Variants in JMJD1C observed in about 807,000 individuals in gnomAD.
JMJD1C encodes the protein jumonji domain-containing protein 1C.
Under a neutral mutation model 245.3 loss-of-function variants are expected in JMJD1C, and 31 were observed. The observed-to-expected ratio is 0.13, with a 90% confidence interval of 0.09 to 0.17. The LOEUF (loss-of-function observed/expected upper bound fraction) is 0.17, where lower values mean the gene tolerates loss of function less well. Among genes scored for constraint, JMJD1C ranks in the 10% least tolerant of loss-of-function variants. The pLI is 1.00. For synonymous variants in JMJD1C, 1,057 were observed against 1,017.4 expected (o/e 1.04, Z -0.74); for missense variants, 2,691 against 3,000.2 (o/e 0.90, Z 2.41).
intron 1 of JMJD1C, among the ~76,000 whole-genome samples, chr10:63,459,601 T>C (rs1014110571): frequency 6.6e-6 from 1 of 152,148 alleles, no homozygotes; most frequent in Non-Finnish European, 1.5e-5. Context: ...CCTGGACACA[T>C]AAAAGCAGAA....
At position 63,185,773 on chromosome 10, in the gene JMJD1C, T is replaced by C. The variant is rs561874207; in HGVS notation, c.6740-120A>G. 5.3e-5 allele frequency: 35 copies of C among 662,528 alleles called. 2 individuals carry two copies. The highest frequency in any genetic ancestry group is 4.7e-4 in the South Asian group (26 of 55,654). 41.0% of individuals were successfully genotyped at this position (662,528 alleles called of 1,614,324 possible). ...TTGTTGCACATTACATGCTTAATGATTGCTTGCTTATTGACTTATTACTTA... is the reference window on the plus strand; with the variant it reads ...TTGTTGCACATTACATGCTTAATGACTGCTTGCTTATTGACTTATTACTTA... On this transcript the variant is annotated intron_variant, in intron 19 of 25. Coordinates refer to ENST00000399262, the MANE Select transcript of JMJD1C (RefSeq NM_032776.3).
At chr10:63,353,512 G>A (rs1030804293) in intron 2 of JMJD1C, among the ~76,000 whole-genome samples, 4 of 151,990 alleles carry the variant, frequency 2.6e-5, no homozygotes, top group Non-Finnish European at 4.4e-5. Flanking sequence ...CAGGTACTTT[G>A]GGAATCTTTT....
chr10:63,380,410 A>G lies in JMJD1C; in HGVS notation c.241T>C (p.Phe81Leu). 6.2e-7 allele frequency: 1 copy of G among 1,614,068 alleles called. No individual in the cohort carries two copies. Among genetic ancestry groups the G allele is most frequent in the South Asian group, 1.1e-5 (1 of 91,080 alleles). ...CAGATTAAGTGGTATTCCACCAAGAAAGTTGAAAAATCTTCATAAACTTTA... is the reference window on the plus strand; with the variant it reads ...CAGATTAAGTGGTATTCCACCAAGAGAGTTGAAAAATCTTCATAAACTTTA... ...WVKVYEDFST[F>L]LVEYHLIWAK... is the part of the protein sequence containing the mutation. Residue 81 changes from phenylalanine (F) to leucine (L), a missense_variant, in exon 2 of 26, where the codon TTC becomes CTC. Coordinates refer to ENST00000399262, the MANE Select transcript of JMJD1C (RefSeq NM_032776.3).
At chr10:63,504,089 T>C (rs190977469) in intron 1 of JMJD1C, among the ~76,000 whole-genome samples, 56 of 152,358 alleles carry the variant, frequency 3.7e-4, no homozygotes, top group South Asian at 2.3e-3. Context: ...TAAAATGTTA[T>C]GGGTGCCCTA....
chr10:63,451,865 G>A (rs1952091820), intron 1 of JMJD1C, among the ~76,000 whole-genome samples: 1 of 152,184 alleles, frequency 6.6e-6, no homozygotes, highest in Non-Finnish European at 1.5e-5. Context: ...AATAAATGGA[G>A]CTGAGAAAAT....
At chr10:63,436,732 T>A (rs1381534690) in intron 1 of JMJD1C, among the ~76,000 whole-genome samples, 1 of 152,136 alleles carries the variant, frequency 6.6e-6, no homozygotes, top group Non-Finnish European at 1.5e-5. Flanking sequence ...AACCACTGAC[T>A]TACCATGGCA....
rs751873785 is a variant in JMJD1C, at chr10:63,399,840, T to A, written c.169-19358A>T. On this transcript the variant is annotated intron_variant, in intron 1 of 25. Transcript: ENST00000399262. ...AAATATTGACATACTTGATTCAAAG[T>A]CACATCTAGAAAACAAGGTATATTC... Among the ~76,000 whole-genome samples, 5 of 152,070 alleles carry A rather than the reference T, an allele frequency of 3.3e-5. No homozygotes were observed. In the East Asian group the frequency reaches 9.7e-4, roughly 29 times the overall value.
At chr10:63,221,720 CT>C (rs1344769819) in intron 3 of JMJD1C, among the ~76,000 whole-genome samples, 2 of 152,116 alleles carry the variant, frequency 1.3e-5, no homozygotes, top group Admixed American at 6.6e-5. Flanking sequence ...ACATAGGAAA[CT>C]TTTTGTTTTT....
intron 2 of JMJD1C, among the ~76,000 whole-genome samples, chr10:63,285,203 G>C (rs1857850956): frequency 1.3e-5 from 2 of 152,096 alleles, no homozygotes; most frequent in Non-Finnish European, 2.9e-5. Context: ...ACGCACGACA[G>C]AAAAAGCATT....
intron 1 of JMJD1C, among the ~76,000 whole-genome samples, chr10:63,477,393 GATAGAT>G (rs1241345530): frequency 2.3e-4 from 1 of 4,432 alleles, no homozygotes; most frequent in Admixed American, 6.0e-3. Flanking sequence ...TTGGCAAAAA[GATAGAT>G]ATACATAGAT....
chr10:63,256,327 T>C (rs576797672), intron 3 of JMJD1C, among the ~76,000 whole-genome samples: 3 of 152,270 alleles, frequency 2.0e-5, no homozygotes, highest in Non-Finnish European at 4.4e-5. Context: ...CTGGGGTAAT[T>C]TATGGGACCT....
intron 2 of JMJD1C, among the ~76,000 whole-genome samples, chr10:63,327,651 T>A (rs1022802230): frequency 6.7e-6 from 1 of 150,030 alleles, no homozygotes; most frequent in Non-Finnish European, 1.5e-5. Context: ...AAGGATACTG[T>A]ATCAAGGGTA....
rs368852030 is a variant in JMJD1C at position 63,206,939 on chromosome 10, T to C, written c.4730A>G (p.Glu1577Gly). The C allele has an allele frequency of 1.0e-4, 168 of 1,612,296 alleles. No individual in the cohort carries two copies. The highest frequency in any genetic ancestry group is 1.4e-4 in the Non-Finnish European group (163 of 1,179,302). ...KMENSGNSVS[E>G]IIKPCSVNLI... is the part of the protein sequence containing the mutation. ...GTTGACAGAACATGGCTTAATAATTTCTGATACAGAATTCCCTGAATTTTC... is the reference window on the plus strand; with the variant it reads ...GTTGACAGAACATGGCTTAATAATTCCTGATACAGAATTCCCTGAATTTTC... Residue 1577 changes from glutamate (E) to glycine (G), a missense_variant, in exon 10 of 26, where the codon GAA becomes GGA. Physicochemically the swap from Glu to Gly is moderately conservative, Grantham distance 98. Coordinates refer to ENST00000399262, the MANE Select transcript of JMJD1C (RefSeq NM_032776.3).
intron 1 of JMJD1C, among the ~76,000 whole-genome samples, chr10:63,513,039 T>C (rs1001324355): frequency 6.6e-6 from 1 of 152,238 alleles, no homozygotes; most frequent in East Asian, 1.9e-4. Context: ...TCTTAAAATT[T>C]CCATCTCTCT....
At chr10:63,520,344 CCAT>C (rs1955170170) in intron 1 of JMJD1C, among the ~76,000 whole-genome samples, 1 of 152,088 alleles carries the variant, frequency 6.6e-6, no homozygotes, top group Admixed American at 6.5e-5. Context: ...GTCACAAAAG[CCAT>C]CATATTTTCT....
chr10:63,390,353 C>T (rs1216480350), intron 1 of JMJD1C, among the ~76,000 whole-genome samples: 1 of 152,010 alleles, frequency 6.6e-6, no homozygotes, highest in Non-Finnish European at 1.5e-5. Context: ...TCTAAACAAA[C>T]TAATAACAAG....
intron 2 of JMJD1C, among the ~76,000 whole-genome samples, chr10:63,368,553 A>C (rs994179517): frequency 3.9e-5 from 6 of 152,230 alleles, no homozygotes; most frequent in African/African-American, 1.4e-4. Flanking sequence ...AATTCTGCTG[A>C]GGCGGCATAG....
intron 2 of JMJD1C, among the ~76,000 whole-genome samples, chr10:63,267,231 A>G (rs1345979591): frequency 6.6e-6 from 1 of 152,172 alleles, no homozygotes; most frequent in African/African-American, 2.4e-5. Flanking sequence ...ATTAAATGAG[A>G]AACAGTGAAT....
intron 10 of JMJD1C, chr10:63,203,579 G>A (rs921790201): frequency 1.0e-6 from 1 of 955,516 alleles, no homozygotes; most frequent in Non-Finnish European, 1.2e-6. Context: ...GGCAATTTCA[G>A]ATCATAAAAT....
Sources: gnomAD v4.1 joint callset for allele counts (sites outside exome capture counted in the v4.1 genomes callset) on GRCh38, gnomAD v4.1.1 for gene constraint, MANE v1.5 for transcripts, NCBI Gene and HGNC (gene_info 2026-07-23, HGNC 2026-07-21) for gene names.